HS6ST3: variants seen among roughly 807,000 people sequenced by gnomAD.
HS6ST3 encodes heparan-sulfate 6-O-sulfotransferase 3.
In HS6ST3, 12 loss-of-function variants were observed where a neutral mutation model predicts 36.7. The observed-to-expected ratio is 0.33, with a 90% CI of 0.21 to 0.53. The LOEUF (loss-of-function observed/expected upper bound fraction) is 0.53, where lower values mean the gene tolerates loss of function less well. Ranked by LOEUF, HS6ST3 falls within the 20% of genes least tolerant of loss-of-function variation. The pLI is 0.95. For synonymous variants in HS6ST3, 240 were observed against 257.5 expected, an observed-to-expected ratio of 0.93 and a Z score of 0.65; for missense variants, 584 against 640.9, an observed-to-expected ratio of 0.91 and a Z score of 0.96.
chr13:96,301,627 C>T (rs1018906117), intron 1 of HS6ST3, among the ~76,000 whole-genome samples: 3 of 152,074 alleles, frequency 2.0e-5, no homozygotes, highest in African/African-American at 7.2e-5. Context: ...TGCGGGGGCT[C>T]ACGCCTGTAA....
Position 96,834,021 on chromosome 13 carries a change from T to C in HS6ST3, c.*823T>C, listed in dbSNP as rs942042977. 3 of 152,166 alleles carry C rather than the reference T, an allele frequency of 2.0e-5. No individual in the cohort carries two copies. The highest frequency in any genetic ancestry group is 6.5e-5 in the Admixed American group (1 of 15,280). 9.4% of individuals were successfully genotyped at this position (152,166 alleles called of 1,614,324 possible). Reference sequence around the variant, plus strand: ...TACTTTCAATGTGAGGAATGAATGATAAATTAAGAGAAAAAAATATCAGGA... The same window carrying C: ...TACTTTCAATGTGAGGAATGAATGACAAATTAAGAGAAAAAAATATCAGGA... On this transcript the variant is annotated 3_prime_UTR_variant, in exon 2 of 2. Coordinates refer to ENST00000376705, the MANE Select transcript of HS6ST3 (RefSeq NM_153456.4).
chr13:96,255,827 T>G (rs2054634252), intron 1 of HS6ST3, among the ~76,000 whole-genome samples: 1 of 152,190 alleles, frequency 6.6e-6, no homozygotes, highest in African/African-American at 2.4e-5. Flanking sequence ...TGATTCTGAG[T>G]TCACAATTTT....
chr13:96,389,863 T>C (rs915434383), intron 1 of HS6ST3, among the ~76,000 whole-genome samples: 2 of 152,202 alleles, frequency 1.3e-5, no homozygotes, highest in Admixed American at 6.5e-5. Flanking sequence ...CCGTTGCTTT[T>C]TCCACATGCC....
chr13:96,156,894 A>T (rs1361257064), intron 1 of HS6ST3, among the ~76,000 whole-genome samples: 1 of 152,180 alleles, frequency 6.6e-6, no homozygotes, highest in Non-Finnish European at 1.5e-5. Flanking sequence ...TCTTATGGGA[A>T]TAATGGTGCC....
chr13:96,738,587 CATT>C (rs1876347877), intron 1 of HS6ST3, among the ~76,000 whole-genome samples: 2 of 152,136 alleles, frequency 1.3e-5, no homozygotes, highest in African/African-American at 4.8e-5. Context: ...AATAGCAGAA[CATT>C]TTTTCCTTTT....
At chr13:96,717,594 G>C (rs1875732745) in intron 1 of HS6ST3, among the ~76,000 whole-genome samples, 1 of 152,190 alleles carries the variant, frequency 6.6e-6, no homozygotes, top group Admixed American at 6.5e-5. Flanking sequence ...ATACAGCATA[G>C]CTATTCGTTA....
At chr13:96,191,255 G>A (rs2054287126) in intron 1 of HS6ST3, among the ~76,000 whole-genome samples, 1 of 152,112 alleles carries the variant, frequency 6.6e-6, no homozygotes, top group South Asian at 2.1e-4. Flanking sequence ...CTCACTGCCA[G>A]AATGACCTTT....
chr13:96,567,181 C>G (rs907935731), intron 1 of HS6ST3, among the ~76,000 whole-genome samples: 3 of 151,852 alleles, frequency 2.0e-5, no homozygotes, highest in Non-Finnish European at 4.4e-5. Flanking sequence ...TTCTTCTTCA[C>G]CTACAGTTCT....
intron 1 of HS6ST3, among the ~76,000 whole-genome samples, chr13:96,284,321 G>A (rs2054790021): frequency 6.6e-6 from 1 of 152,154 alleles, no homozygotes; most frequent in Admixed American, 6.5e-5. Flanking sequence ...GAGGAGCGAA[G>A]AAGCCAGTCC....
chr13:96,830,899 G>A (rs1878765421), intron 1 of HS6ST3, among the ~76,000 whole-genome samples: 1 of 152,188 alleles, frequency 6.6e-6, no homozygotes, highest in Admixed American at 6.5e-5. Flanking sequence ...ACTGGCTTGT[G>A]CTAAAGGACA....
In HS6ST3 at chr13:96,713,389, A is replaced by G. The variant is rs146912679; in HGVS notation, c.708-119101A>G. On this transcript the variant is annotated intron_variant, in intron 1 of 1. Transcript: ENST00000376705. Reference sequence around the variant, plus strand: ...CTCTTTGGAACCATTACCATTTATCATATGACTGTAAATATAGATTCAGAG... The same window carrying G: ...CTCTTTGGAACCATTACCATTTATCGTATGACTGTAAATATAGATTCAGAG... Among the ~76,000 whole-genome samples, 20 of 152,320 alleles carry G rather than the reference A, an allele frequency of 1.3e-4. No individual in the cohort carries two copies. In the East Asian group the frequency reaches 3.9e-3, roughly 29 times the overall value.
At chr13:96,681,203 A>G (rs183579757) in intron 1 of HS6ST3, among the ~76,000 whole-genome samples, 1 of 152,330 alleles carries the variant, frequency 6.6e-6, no homozygotes, top group Non-Finnish European at 1.5e-5. Context: ...CTACAAAACT[A>G]TGCTTTACGT....
At position 96,525,182 on chromosome 13, in the gene HS6ST3, C is replaced by T. The variant is rs934795589; in HGVS notation, c.708-307308C>T. On this transcript the variant is annotated intron_variant, in intron 1 of 1. Transcript: ENST00000376705. ...TGTTTGGATAAGAAATAGACTGACA[C>T]CTTGACCTTCAACCTCTCTCCTCAC... Among the ~76,000 whole-genome samples, 53 of 152,146 alleles carry T rather than the reference C, an allele frequency of 3.5e-4. 1 individual carries two copies. Among genetic ancestry groups the T allele is most frequent in the African/African-American group, 1.3e-3 (52 of 41,428 alleles).
chr13:96,718,209 G>T (rs1207176152), intron 1 of HS6ST3, among the ~76,000 whole-genome samples: 1 of 152,176 alleles, frequency 6.6e-6, no homozygotes, highest in African/African-American at 2.4e-5. Context: ...TTTTGTTTAT[G>T]TCTATCTCCC....
At chr13:96,509,599 G>A (rs1340224059) in intron 1 of HS6ST3, among the ~76,000 whole-genome samples, 1 of 152,114 alleles carries the variant, frequency 6.6e-6, no homozygotes, top group Non-Finnish European at 1.5e-5. Flanking sequence ...ATTAAACAGG[G>A]CATCCATGCC....
chr13:96,643,526 G>A (rs956621561), intron 1 of HS6ST3, among the ~76,000 whole-genome samples: 4 of 151,824 alleles, frequency 2.6e-5, no homozygotes, highest in African/African-American at 9.7e-5. Flanking sequence ...CACTGCTTCA[G>A]GTAGTAGTTA....
chr13:96,394,374 G>A (rs2055410584), intron 1 of HS6ST3, among the ~76,000 whole-genome samples: 1 of 151,836 alleles, frequency 6.6e-6, no homozygotes, highest in Non-Finnish European at 1.5e-5. Context: ...AGCACGTCTT[G>A]AGATAAGGGA....
At chr13:96,149,596 A>G (rs920985481) in intron 1 of HS6ST3, among the ~76,000 whole-genome samples, 1 of 152,226 alleles carries the variant, frequency 6.6e-6, no homozygotes, top group Non-Finnish European at 1.5e-5. Context: ...ATGCACCATC[A>G]TCTTATTTTT....
chr13:96,696,582 A>T (rs1875134479), intron 1 of HS6ST3, among the ~76,000 whole-genome samples: 1 of 152,236 alleles, frequency 6.6e-6, no homozygotes, highest in African/African-American at 2.4e-5. Flanking sequence ...CCCCAGGAAC[A>T]GTGTTCAGGC....
Sources: allele counts gnomAD v4.1 joint callset (sites outside exome capture counted in the v4.1 genomes callset), GRCh38; gene constraint gnomAD v4.1.1; transcripts MANE v1.5; gene names NCBI Gene and HGNC (gene_info 2026-07-23, HGNC 2026-07-21).